The following TBL1X variants were observed in gnomAD, a reference collection of about 807,000 sequenced individuals.
The protein encoded by TBL1X is F-box-like/WD repeat-containing protein TBL1X.
TBL1X carries 10 observed loss-of-function variants against 50.7 expected under a neutral mutation model. That is an observed-to-expected ratio of 0.20 (90% CI 0.12 to 0.33). The LOEUF is 0.33. Ranked by LOEUF, TBL1X falls within the 10% of genes least tolerant of loss-of-function variation. TBL1X has a pLI of 1.00. For missense variants in TBL1X, 340 were observed against 504.4 expected (o/e 0.67, Z 3.12); for synonymous variants, 190 against 214.7 (o/e 0.88, Z 1.01).
At chrX:9,541,318 A>G (rs951177492) in intron 2 of TBL1X, among the ~76,000 whole-genome samples, 1 of 28,078 alleles carries the variant, frequency 3.6e-5, no homozygotes, top group African/African-American at 1.3e-4. Flanking sequence ...TCCAGTGACC[A>G]AAAAAAAAAA....
At chrX:9,602,497 A>C (rs2082562188) in intron 2 of TBL1X, among the ~76,000 whole-genome samples, 1 of 111,508 alleles carries the variant, frequency 9.0e-6, no homozygotes, top group Non-Finnish European at 1.9e-5. Context: ...TACGGGGCTC[A>C]GAAAGCTTTG....
intron 2 of TBL1X, among the ~76,000 whole-genome samples, chrX:9,557,257 A>G (rs1442854771): frequency 8.9e-6 from 1 of 112,550 alleles, no homozygotes; most frequent in Non-Finnish European, 1.9e-5. Context: ...TCAGGCAGTA[A>G]GAGGAGCATG....
At chrX:9,586,092 GT>G (rs1468525100) in intron 2 of TBL1X, among the ~76,000 whole-genome samples, 1 of 112,227 alleles carries the variant, frequency 8.9e-6, no homozygotes, top group African/African-American at 3.2e-5. Context: ...TAGTTCAGCA[GT>G]TTCTTAAAAC....
At chrX:9,638,448 C>G (rs924551326) in intron 2 of TBL1X, among the ~76,000 whole-genome samples, 6 of 112,034 alleles carry the variant, frequency 5.4e-5, no homozygotes, top group Non-Finnish European at 1.1e-4. Context: ...TAGCAATAAA[C>G]TAATTATTTT....
At chrX:9,692,385 T>TG in intron 9 of TBL1X, 131 bp downstream of exon 9, 1 of 830,668 alleles carries the variant, frequency 1.2e-6, no homozygotes. Context: ...CCCACTCTGA[T>TG]GGGCTGCCAG....
intron 2 of TBL1X, among the ~76,000 whole-genome samples, chrX:9,621,789 C>G (rs1333214452): frequency 8.9e-6 from 1 of 111,763 alleles, no homozygotes; most frequent in East Asian, 2.8e-4. Flanking sequence ...CGAAGTGTGC[C>G]CTTCTGCTGC....
chrX:9,569,365 G>GTGTGC (rs2082372909), intron 2 of TBL1X, among the ~76,000 whole-genome samples: 1 of 107,413 alleles, frequency 9.3e-6, no homozygotes, highest in Admixed American at 9.9e-5. Context: ...TGTGTGTGTG[G>GTGTGC]TGTGCTGTGT....
intron 5 of TBL1X, among the ~76,000 whole-genome samples, chrX:9,655,431 T>G (rs2146600873): frequency 9.0e-6 from 1 of 111,305 alleles, no homozygotes; most frequent in East Asian, 2.8e-4. Context: ...GATTCGGAAT[T>G]TACCCTCCTC....
At chrX:9,515,274 A>C (rs1462910495) in intron 2 of TBL1X, among the ~76,000 whole-genome samples, 2 of 111,713 alleles carry the variant, frequency 1.8e-5, no homozygotes, top group African/African-American at 6.5e-5. Flanking sequence ...AAGCCCATAT[A>C]CACCTCCCTT....
chrX:9,599,500 G>A (rs765493614), intron 2 of TBL1X, among the ~76,000 whole-genome samples: 1 of 112,151 alleles, frequency 8.9e-6, no homozygotes, highest in Non-Finnish European at 1.9e-5. Flanking sequence ...GCAGGGCAGG[G>A]TCATTGCAGG....
intron 13 of TBL1X, 104 bp downstream of exon 13, chrX:9,705,218 T>C: frequency 8.7e-7 from 1 of 1,145,785 alleles, no homozygotes. Context: ...GCAGACCAGC[T>C]CTAATGTGCC....
chrX:9,506,559 C>CT (rs921317941), intron 2 of TBL1X, among the ~76,000 whole-genome samples: 11 of 110,981 alleles, frequency 9.9e-5, no homozygotes, highest in Non-Finnish European at 1.1e-4. Flanking sequence ...GCTAGCTAGA[C>CT]TAATAGAGAA....
Position 9,480,200 on chromosome X carries a change from C to A in TBL1X, c.-201+14753C>A, listed in dbSNP as rs754106450. 3.6e-5 allele frequency among the ~76,000 whole-genome samples: 4 copies of A among 111,859 alleles called. No individual in the cohort carries two copies. The South Asian group carries it at 1.5e-3, about 41-fold the overall frequency. ...AACTCCTGACCTCAGGTGATCTACC[C>A]GCCTCGGCCTCCCAAAGTGCTGGGA... is the stretch of plus-strand genomic sequence containing the variant. On this transcript the variant is annotated intron_variant, in intron 1 of 17. Transcript: ENST00000645353.
intron 2 of TBL1X, among the ~76,000 whole-genome samples, chrX:9,595,448 GTAAA>G (rs1474168427): frequency 8.9e-6 from 1 of 111,902 alleles, no homozygotes; most frequent in Non-Finnish European, 1.9e-5. Context: ...TATTTGAAGT[GTAAA>G]TACCTCTTTT....
intron 13 of TBL1X, among the ~76,000 whole-genome samples, chrX:9,707,502 C>G (rs1189126912): frequency 8.9e-6 from 1 of 112,623 alleles, no homozygotes; most frequent in Non-Finnish European, 1.9e-5. Flanking sequence ...CTGAACAAAG[C>G]TCCAGCTCAG....
intron 1 of TBL1X, among the ~76,000 whole-genome samples, chrX:9,467,948 G>A (rs992163935): frequency 8.9e-6 from 1 of 112,472 alleles, no homozygotes; most frequent in Non-Finnish European, 1.9e-5. Flanking sequence ...CCTGGCCAGC[G>A]GGAGCCTGAC....
chrX:9,522,869 TC>T (rs1203620065), intron 2 of TBL1X, among the ~76,000 whole-genome samples: 2 of 111,822 alleles, frequency 1.8e-5, no homozygotes, highest in Admixed American at 1.9e-4. Context: ...TGTTGACATT[TC>T]CCCATGGGAA....
Position 9,688,134 on chromosome X carries a change from G to A in TBL1X, c.475G>A (p.Ala159Thr), listed in dbSNP as rs923375736. Reference sequence around the variant, plus strand: ...CCGAGAGAAGCTCGCTCAGCAGCAAGCCAGTGCGGCGGCGGCGGCGGCTGC... The same window carrying A: ...CCGAGAGAAGCTCGCTCAGCAGCAAACCAGTGCGGCGGCGGCGGCGGCTGC... ...AFREKLAQQQASAAAAAAAAT... is the reference protein window; with the variant it reads ...AFREKLAQQQTSAAAAAAAAT... Residue 159 changes from alanine to threonine, a missense_variant, in exon 7 of 18, where the codon GCC becomes ACC. Coordinates refer to ENST00000645353, the MANE Select transcript of TBL1X (RefSeq NM_005647.4). The A allele has an allele frequency of 8.3e-7, 1 of 1,206,866 alleles. No homozygotes were observed. Among genetic ancestry groups the A allele is most frequent in the Non-Finnish European group, 1.1e-6 (1 of 893,074 alleles).
chrX:9,708,703 CAA>C lies in TBL1X; in HGVS notation c.1237-525_1237-524del, dbSNP rs35805085. On this transcript the variant is annotated intron_variant, in intron 13 of 17. Transcript: ENST00000645353. ...TCAAGACCAGCTTGGGCAAAAATCCCAAAAAAAAAAAAAAAAAAAAAGGGCAT... is the reference window on the plus strand; with the variant it reads ...TCAAGACCAGCTTGGGCAAAAATCCCAAAAAAAAAAAAAAAAAAAGGGCAT... Among the ~76,000 whole-genome samples the C allele has an allele frequency of 5.5e-3, 395 of 72,156 alleles. 1 individual carries two copies. Among genetic ancestry groups the C allele is most frequent in the East Asian group, 0.013 (30 of 2,370 alleles). The allele number at this position is 72,156 out of a possible 115,157, so 62.7% of individuals were successfully genotyped here.
Sources: gnomAD v4.1 joint callset for allele counts (sites outside exome capture counted in the v4.1 genomes callset) on GRCh38, gnomAD v4.1.1 for gene constraint, MANE v1.5 for transcripts, NCBI Gene and HGNC (gene_info 2026-07-23, HGNC 2026-07-21) for gene names.